The following CHRM3 variants were observed in gnomAD, a reference collection of about 807,000 sequenced individuals.
The protein encoded by CHRM3 is muscarinic acetylcholine receptor M3.
CHRM3 carries 11 observed loss-of-function variants against 41.8 expected under a neutral mutation model. That is an observed-to-expected ratio of 0.26 (90% CI 0.17 to 0.44). The LOEUF (loss-of-function observed/expected upper bound fraction) is 0.44. Ranked by LOEUF, CHRM3 falls within the 20% of genes least tolerant of loss-of-function variation. The probability of loss-of-function intolerance (pLI) is 1.00; values close to 1 mark genes in which losing one functional copy is unlikely to be tolerated. For synonymous variants in CHRM3, 297 were observed against 301.4 expected (o/e 0.99, Z 0.15); for missense variants, 571 against 745.4 (o/e 0.77, Z 2.72).
chr1:239,440,935 C>T (rs1663669019), intron 1 of CHRM3, among the ~76,000 whole-genome samples: 1 of 151,658 alleles, frequency 6.6e-6, no homozygotes, highest in Admixed American at 6.6e-5. Flanking sequence ...TTGACATTTA[C>T]ACTTTGTTTG....
At chr1:239,429,260 C>T (rs961287250) in intron 1 of CHRM3, among the ~76,000 whole-genome samples, 31 of 152,008 alleles carry the variant, frequency 2.0e-4, no homozygotes, top group Non-Finnish European at 1.0e-4. Context: ...TTTATTTTTC[C>T]GCCTGTCAAA....
chr1:239,688,602 T>A (rs1399921359), intron 5 of CHRM3, among the ~76,000 whole-genome samples: 8 of 133,210 alleles, frequency 6.0e-5, no homozygotes, highest in African/African-American at 2.2e-4. Context: ...ATATAATATA[T>A]TATACATAAT....
intron 1 of CHRM3, among the ~76,000 whole-genome samples, chr1:239,388,406 C>G (rs1658722616): frequency 6.6e-6 from 1 of 152,184 alleles, no homozygotes; most frequent in Admixed American, 6.6e-5. Context: ...TCCCCTCCCC[C>G]CATTTTGACC....
intron 5 of CHRM3, among the ~76,000 whole-genome samples, chr1:239,706,685 G>A (rs1357726592): frequency 7.0e-6 from 1 of 143,682 alleles, no homozygotes; most frequent in Non-Finnish European, 1.5e-5. Context: ...CACACACGGA[G>A]GCATGCACCC....
At chr1:239,857,561 T>A (rs952255268) in intron 6 of CHRM3, among the ~76,000 whole-genome samples, 1 of 152,206 alleles carries the variant, frequency 6.6e-6, no homozygotes. Flanking sequence ...AAGTTTATCT[T>A]ATAATTCCAA....
intron 5 of CHRM3, among the ~76,000 whole-genome samples, chr1:239,757,715 T>A (rs932988565): frequency 6.6e-6 from 1 of 152,090 alleles, no homozygotes; most frequent in East Asian, 1.9e-4. Context: ...CTATGTGAAG[T>A]AGAAGTTCAA....
chr1:239,876,300 A>T (rs1421868194), intron 6 of CHRM3, among the ~76,000 whole-genome samples: 1 of 152,238 alleles, frequency 6.6e-6, no homozygotes, highest in Non-Finnish European at 1.5e-5. Context: ...AATTATTGGT[A>T]TGCATTTATT....
Position 239,754,593 on chromosome 1 carries a change from C to T in CHRM3, c.-146-72659C>T, listed in dbSNP as rs534955461. ...TCTATGCAGAATGTCTTCAGTTCCA[C>T]ATTGGGAAGGTCTGGGAGATATCAA... On this transcript the variant is annotated intron_variant, in intron 5 of 6. Transcript: ENST00000676153. Among the ~76,000 whole-genome samples the T allele has an allele frequency of 1.3e-4, 20 of 152,300 alleles. No individual in the cohort carries two copies. In the South Asian group the frequency reaches 3.9e-3, roughly 30 times the overall value.
At chr1:239,413,724 G>A (rs916818665) in intron 1 of CHRM3, among the ~76,000 whole-genome samples, 35 of 152,198 alleles carry the variant, frequency 2.3e-4, no homozygotes, top group African/African-American at 8.4e-4. Context: ...TTAATTAAAT[G>A]GAAAGGCTCA....
intron 5 of CHRM3, among the ~76,000 whole-genome samples, chr1:239,726,648 A>G (rs112632630): frequency 7.0e-4 from 106 of 152,024 alleles, no homozygotes; most frequent in African/African-American, 2.4e-3. Context: ...TGTACAGAAC[A>G]CTTGACTGAA....
At chr1:239,754,414 G>A (rs1666075198) in intron 5 of CHRM3, among the ~76,000 whole-genome samples, 1 of 152,154 alleles carries the variant, frequency 6.6e-6, no homozygotes, top group South Asian at 2.1e-4. Context: ...TTCTAAAATG[G>A]TAGTTCACTG....
intron 1 of CHRM3, among the ~76,000 whole-genome samples, chr1:239,469,406 G>T (rs1223128823): frequency 1.3e-5 from 2 of 152,138 alleles, no homozygotes; most frequent in Non-Finnish European, 2.9e-5. Flanking sequence ...TCAGTACCTG[G>T]CACGTAGAAG....
intron 5 of CHRM3, among the ~76,000 whole-genome samples, chr1:239,766,714 G>C (rs563990862): frequency 3.3e-5 from 4 of 119,878 alleles, no homozygotes; most frequent in African/African-American, 1.1e-4. Flanking sequence ...TATAGATATA[G>C]ATATAATTTT....
chr1:239,665,042 G>A (rs1323015504), intron 4 of CHRM3, among the ~76,000 whole-genome samples: 4 of 150,836 alleles, frequency 2.7e-5, no homozygotes, highest in Non-Finnish European at 4.4e-5. Context: ...TCACACCATC[G>A]GTCTCTGGAA....
At chr1:239,676,725 T>G (rs562972412) in intron 4 of CHRM3, among the ~76,000 whole-genome samples, 1 of 152,302 alleles carries the variant, frequency 6.6e-6, no homozygotes, top group Admixed American at 6.5e-5. Context: ...CCCTAGCACA[T>G]GGTAGGGGTG....
At chr1:239,457,206 C>T (rs1665012750) in intron 1 of CHRM3, among the ~76,000 whole-genome samples, 1 of 152,146 alleles carries the variant, frequency 6.6e-6, no homozygotes, top group Non-Finnish European at 1.5e-5. Flanking sequence ...ACTTTTTAAG[C>T]CTCCATTTTC....
intron 1 of CHRM3, among the ~76,000 whole-genome samples, chr1:239,395,137 C>T (rs1659368667): frequency 6.6e-6 from 1 of 152,156 alleles, no homozygotes; most frequent in Non-Finnish European, 1.5e-5. Context: ...CTTCTCTCCT[C>T]TGGTTCTTTT....
intron 5 of CHRM3, among the ~76,000 whole-genome samples, chr1:239,816,762 C>T (rs577861439): frequency 1.2e-4 from 17 of 146,234 alleles, no homozygotes; most frequent in African/African-American, 3.0e-4. Flanking sequence ...GAGGGAGTCT[C>T]ACTCTGTTGC....
chr1:239,801,639 C>G (rs937727110), intron 5 of CHRM3, among the ~76,000 whole-genome samples: 6 of 152,040 alleles, frequency 3.9e-5, no homozygotes, highest in Non-Finnish European at 8.8e-5. Context: ...GCCAAGCAGC[C>G]ATCAGAATTA....
Sources: gnomAD v4.1 joint callset for allele counts (sites outside exome capture counted in the v4.1 genomes callset) on GRCh38, gnomAD v4.1.1 for gene constraint, MANE v1.5 for transcripts, NCBI Gene and HGNC (gene_info 2026-07-23, HGNC 2026-07-21) for gene names.